EMC1: variants seen among roughly 807,000 people sequenced by gnomAD.
EMC1 encodes ER membrane protein complex subunit 1.
A neutral mutation model predicts 128.8 loss-of-function variants in EMC1; 103 were observed. The observed-to-expected ratio is 0.80, with a 90% CI of 0.68 to 0.94. EMC1 has a LOEUF of 0.94. Ranked by LOEUF, EMC1 falls within the 40% of genes least tolerant of loss-of-function variation. EMC1 has a pLI of 0.00. For missense variants in EMC1, 1,083 were observed against 1,250.6 expected, an observed-to-expected ratio of 0.87 and a Z score of 2.02; for synonymous variants, 442 against 490.4, an observed-to-expected ratio of 0.90 and a Z score of 1.30.
intron 17 of EMC1, among the ~76,000 whole-genome samples, chr1:19,230,569 CA>C (rs368900596): frequency 3.7e-4 from 52 of 141,322 alleles, no homozygotes; most frequent in Admixed American, 4.3e-4. Flanking sequence ...GACTCCATCT[CA>C]AAAAAAAAAA....
intron 5 of EMC1, among the ~76,000 whole-genome samples, chr1:19,241,825 T>C (rs1171553665): frequency 6.6e-6 from 1 of 152,098 alleles, no homozygotes; most frequent in African/African-American, 2.4e-5. Flanking sequence ...AAGTTTTGAG[T>C]CCTGCTCTAA....
rs751988757 is a variant in EMC1, at chr1:19,232,739, A to G, written c.1667T>C (p.Leu556Pro). 3.7e-6 allele frequency: 6 copies of G among 1,614,204 alleles called. No individual in the cohort carries two copies. The highest frequency in any genetic ancestry group is 1.1e-5 in the South Asian group (1 of 91,086). ...FGIESSSGTILWKQYLPNVKP... is the reference protein window; with the variant it reads ...FGIESSSGTIPWKQYLPNVKP... ...GACATTGGGTAGATACTGTTTCCAC[A>G]GGATGGTGCCAGAGCTGCTCTCAAT... The change falls in exon 15 of 23, where the codon CTG (leucine) becomes CCG (proline). Residue 556 changes from leucine to proline, a missense_variant. Physicochemically the swap from Leu to Pro is moderately conservative, Grantham distance 98. Coordinates refer to ENST00000477853, the MANE Select transcript of EMC1 (RefSeq NM_015047.3).
At chr1:19,232,459 C>CT (rs2093531020) in intron 15 of EMC1, among the ~76,000 whole-genome samples, 165 bp downstream of exon 15, 1 of 152,230 alleles carries the variant, frequency 6.6e-6, no homozygotes, top group Non-Finnish European at 1.5e-5. Flanking sequence ...CACATCAGTG[C>CT]TGGATGGTTC....
intron 10 of EMC1, 135 bp downstream of exon 10, chr1:19,238,660 A>G (rs558817654): frequency 1.4e-5 from 9 of 651,542 alleles, no homozygotes; most frequent in Non-Finnish European, 1.9e-5. Context: ...ACATCATTTA[A>G]TTTACAGTAC....
chr1:19,248,757 C>T (rs536183138), intron 1 of EMC1, among the ~76,000 whole-genome samples: 1 of 152,282 alleles, frequency 6.6e-6, no homozygotes, highest in Admixed American at 6.5e-5. Context: ...GCCATCCACC[C>T]ACCTCAGCCT....
intron 18 of EMC1, among the ~76,000 whole-genome samples, chr1:19,225,433 C>T (rs544832239): frequency 1.3e-5 from 2 of 152,138 alleles, no homozygotes; most frequent in Non-Finnish European, 2.9e-5. Context: ...GGGCAGATCA[C>T]GAGATCAAGA....
chr1:19,251,011 C>T (rs1333664667), intron 1 of EMC1, among the ~76,000 whole-genome samples: 2 of 152,208 alleles, frequency 1.3e-5, no homozygotes, highest in South Asian at 4.1e-4. Flanking sequence ...AGCTCCTGTT[C>T]ACTTGCCTAC....
intron 18 of EMC1, among the ~76,000 whole-genome samples, chr1:19,223,918 C>G (rs1339047814): frequency 6.6e-6 from 1 of 152,216 alleles, no homozygotes; most frequent in African/African-American, 2.4e-5. Flanking sequence ...ACTCATTGAC[C>G]TAGGGACAAA....
chr1:19,235,720 T>A (rs1187133637), intron 12 of EMC1, among the ~76,000 whole-genome samples: 1 of 150,920 alleles, frequency 6.6e-6, no homozygotes, highest in Non-Finnish European at 1.5e-5. Flanking sequence ...TAAAATAAAA[T>A]AAAAATAAAT....
At position 19,219,632 on chromosome 1, in the gene EMC1, G is replaced by A. The variant is rs2093416237; in HGVS notation, c.2739C>T (p.Asn913=). The A allele has an allele frequency of 1.2e-6, 2 of 1,612,982 alleles. No homozygotes were observed. The highest frequency in any genetic ancestry group is 8.5e-7 in the Non-Finnish European group (1 of 1,179,664). ...QIHAERFINY[N]QTVSRMRGIY... ...TACCTCGCATTCGAGAAACTGTCTG[G>A]TTATAGTTGATGAATCGCTCTGCGT... Residue 913 remains asparagine (N), a synonymous_variant, in exon 22 of 23, where the codon AAC becomes AAT. Coordinates refer to ENST00000477853, the MANE Select transcript of EMC1 (RefSeq NM_015047.3).
At chr1:19,246,373 G>A (rs1031680879) in intron 1 of EMC1, among the ~76,000 whole-genome samples, 3 of 152,200 alleles carry the variant, frequency 2.0e-5, no homozygotes, top group Non-Finnish European at 4.4e-5. Context: ...CTGGGCGACA[G>A]AGTGGGCCTC....
rs1243201241 is a variant in EMC1 at position 19,238,834 on chromosome 1, A to G, written c.1050T>C (p.Asp350=). 6.2e-7 allele frequency: 1 copy of G among 1,611,352 alleles called. No homozygotes were observed. Among genetic ancestry groups the G allele is most frequent in the African/African-American group, 1.3e-5 (1 of 74,768 alleles). Residue 350 remains aspartate (D), a synonymous_variant, in exon 10 of 23, where the codon GAT becomes GAC. Transcript: ENST00000477853. ...NEVQKSSSSE[D]GSMGSFSEKS... ...TCTCCGAAAAGCTCCCCATTGACCC[A>G]TCTTCAGAACTGCTACTTTTCTGCT...
chr1:19,240,422 G>A lies in EMC1; in HGVS notation c.661C>T (p.Gln221Ter), dbSNP rs1290319110. 2 of 1,614,188 alleles carry A rather than the reference G, an allele frequency of 1.2e-6. No homozygotes were observed. The highest frequency in any genetic ancestry group is 8.5e-7 in the Non-Finnish European group (1 of 1,180,016). Residue 221 changes from glutamine (Q) to a stop codon, truncating the protein, a stop_gained, in exon 7 of 23, where the codon CAG (glutamine) becomes TAG (stop). Coordinates refer to ENST00000477853, the MANE Select transcript of EMC1 (RefSeq NM_015047.3). LOFTEE classifies it high-confidence loss of function. ...QQVRVSTPWL[Q>*]HLSGACGVVD... ...ACACCACAGGCTCCAGACAGGTGCT[G>A]CAGCCACGGAGTTGAAACCCTAACC... is the stretch of plus-strand genomic sequence containing the variant.
chr1:19,227,825 G>C (rs1029658387), intron 17 of EMC1, among the ~76,000 whole-genome samples: 3 of 151,842 alleles, frequency 2.0e-5, no homozygotes, highest in Non-Finnish European at 4.4e-5. Flanking sequence ...CTGAGTGACA[G>C]AGCAAGACTC....
intron 3 of EMC1, 76 bp from the exon 4 acceptor site, chr1:19,243,783 G>T (rs1427499119): frequency 1.3e-6 from 2 of 1,502,122 alleles, no homozygotes; most frequent in African/African-American, 1.4e-5. Context: ...GTGAGCAGTG[G>T]CCTCACCTCT....
intron 13 of EMC1, among the ~76,000 whole-genome samples, chr1:19,234,801 G>A (rs182974805): frequency 3.3e-5 from 5 of 151,942 alleles, no homozygotes; most frequent in East Asian, 3.9e-4. Flanking sequence ...AGCCAAGATC[G>A]CGCCACTGCA....
intron 1 of EMC1, among the ~76,000 whole-genome samples, chr1:19,250,873 G>A (rs1277175900): frequency 6.6e-6 from 1 of 152,180 alleles, no homozygotes; most frequent in Non-Finnish European, 1.5e-5. Flanking sequence ...ACGTGGGTGG[G>A]TGAATGAATG....
intron 16 of EMC1, 64 bp from the exon 17 acceptor site, chr1:19,231,027 G>T: frequency 6.3e-7 from 1 of 1,589,284 alleles, no homozygotes. Flanking sequence ...AGAGCCTTAA[G>T]AATAAAACTG....
chr1:19,231,186 G>A (rs886755858), intron 16 of EMC1, 75 bp downstream of exon 16: 19 of 1,488,232 alleles, frequency 1.3e-5, no homozygotes, highest in African/African-American at 8.5e-5. Flanking sequence ...CTCCATCTCC[G>A]GGCCGCTGTG....
Sources: allele counts gnomAD v4.1 joint callset (sites outside exome capture counted in the v4.1 genomes callset), GRCh38; gene constraint gnomAD v4.1.1; transcripts MANE v1.5; gene names NCBI Gene and HGNC (gene_info 2026-07-23, HGNC 2026-07-21).